PLG: variants seen among roughly 807,000 people sequenced by gnomAD.
PLG encodes the protein plasminogen.
PLG carries 41 observed loss-of-function variants against 104.4 expected under a neutral mutation model. That is an observed-to-expected ratio of 0.39 (90% CI 0.31 to 0.51). The LOEUF (loss-of-function observed/expected upper bound fraction) is 0.51. Among genes scored for constraint, PLG ranks in the 20% least tolerant of loss-of-function variants. The pLI is 0.76. For synonymous variants in PLG, 337 were observed against 357.1 expected (o/e 0.94, Z 0.63); for missense variants, 891 against 1,003.6 (o/e 0.89, Z 1.52).
At chr6:160,730,929 C>T (rs185351722) in intron 10 of PLG, 122 bp from the exon 11 acceptor site, 2 of 899,196 alleles carry the variant, frequency 2.2e-6, no homozygotes, top group Non-Finnish European at 3.6e-6. Context: ...CATTATTGTA[C>T]CTATAATGGG....
rs201754541 is a variant in PLG, at chr6:160,734,745, GAAA to G, written c.1681+674_1681+676del. Among the ~76,000 whole-genome samples the G allele has an allele frequency of 2.5e-4, 28 of 113,920 alleles. No homozygotes were observed. Among genetic ancestry groups the G allele is most frequent in the African/African-American group, 6.5e-4 (21 of 32,220 alleles). 74.7% of individuals were successfully genotyped at this position (113,920 alleles called of 152,430 possible). ...GAATAACAAATCCATGGGTATTTCT[GAAA>G]AAAAAAAAAAAAAAAAGAAAGGAAG... is the stretch of plus-strand genomic sequence containing the variant. On this transcript the variant is annotated intron_variant, in intron 13 of 18. Coordinates refer to ENST00000308192, the MANE Select transcript of PLG (RefSeq NM_000301.5). The surrounding 1 kb of genome is among the most constrained non-coding windows in gnomAD (Gnocchi z 4.4).
At chr6:160,727,486 C>A (rs1777938066) in intron 10 of PLG, among the ~76,000 whole-genome samples, 1 of 147,778 alleles carries the variant, frequency 6.8e-6, no homozygotes, top group African/African-American at 2.5e-5. Flanking sequence ...AAAAAGTAGA[C>A]AAGGATATTG....
chr6:160,709,230 G>A (rs1489661243), intron 3 of PLG, among the ~76,000 whole-genome samples: 1 of 152,048 alleles, frequency 6.6e-6, no homozygotes, highest in African/African-American at 2.4e-5. Context: ...TTTCTTTGCT[G>A]TGGGATATTG....
rs1444590132 is a variant in PLG at position 160,736,403 on chromosome 6, G to C, written c.1682-484G>C. On this transcript the variant is annotated intron_variant, in intron 13 of 18. Coordinates refer to ENST00000308192, the MANE Select transcript of PLG (RefSeq NM_000301.5). This position sits in a 1 kb window ranked among gnomAD's most constrained non-coding sequence, Gnocchi z 5.2. ...CAATCACATACACACACACACACAC[G>C]TGCACACACAGAGACTCACATGGAA... 6.6e-6 allele frequency among the ~76,000 whole-genome samples: 1 copy of C among 151,958 alleles called. No individual in the cohort carries two copies. The highest frequency in any genetic ancestry group is 1.5e-5 in the Non-Finnish European group (1 of 67,996).
In PLG at chr6:160,724,309, A is replaced by C. The variant is rs1777890600; in HGVS notation, c.1256+1742A>C. 6.6e-6 allele frequency among the ~76,000 whole-genome samples: 1 copy of C among 152,158 alleles called. No individual in the cohort carries two copies. Among genetic ancestry groups the C allele is most frequent in the African/African-American group, 2.4e-5 (1 of 41,456 alleles). On this transcript the variant is annotated intron_variant, in intron 10 of 18. Transcript: ENST00000308192. This position sits in a 1 kb window ranked among gnomAD's most constrained non-coding sequence, Gnocchi z 5.0. ...CCAAATAGAAATTAAATAACTAAAA[A>C]AGTGCATGTTTAATGAAAAATGTAC...
chr6:160,742,660 C>T (rs2115182682), intron 17 of PLG, among the ~76,000 whole-genome samples: 1 of 152,224 alleles, frequency 6.6e-6, no homozygotes, highest in African/African-American at 2.4e-5. Flanking sequence ...TTAATTAGAT[C>T]CCATTTGTCA....
chr6:160,748,382 A>AGAGAG (rs1562383390), intron 17 of PLG, among the ~76,000 whole-genome samples: 3 of 42,518 alleles, frequency 7.1e-5, no homozygotes, highest in South Asian at 2.5e-3. Flanking sequence ...GAAAGAAAGA[A>AGAGAG]AGAAAGAAAG....
chr6:160,703,316 C>A (rs1777456043), intron 1 of PLG, among the ~76,000 whole-genome samples: 1 of 151,414 alleles, frequency 6.6e-6, no homozygotes. Flanking sequence ...TAGAATTCAC[C>A]CATTTAGGCA....
rs9458019 is a variant in PLG, at chr6:160,732,529, T to C, written c.1587+636T>C. On this transcript the variant is annotated intron_variant, in intron 12 of 18. Transcript: ENST00000308192. The surrounding 1 kb of genome is among the most constrained non-coding windows in gnomAD (Gnocchi z 4.5). Reference sequence around the variant, plus strand: ...GTGCTGACACTCTATCTGGAGACAGTGTCAGATCCCATAAGTTAAGGCTCA... The same window carrying C: ...GTGCTGACACTCTATCTGGAGACAGCGTCAGATCCCATAAGTTAAGGCTCA... 0.21 allele frequency among the ~76,000 whole-genome samples: 32,106 copies of C among 152,068 alleles called. 3,987 individuals are homozygous for C. The highest frequency in any genetic ancestry group is 0.29 in the Non-Finnish European group (19,717 of 67,962).
Position 160,735,110 on chromosome 6 carries a change from C to T in PLG, c.1681+1022C>T, listed in dbSNP as rs1023552013. ...CTACTTGGCCAATATTATTGTAATGCGGCATTGTGATCTCTGGATTTAGCA... is the reference window on the plus strand; with the variant it reads ...CTACTTGGCCAATATTATTGTAATGTGGCATTGTGATCTCTGGATTTAGCA... On this transcript the variant is annotated intron_variant, in intron 13 of 18. Transcript: ENST00000308192. This position sits in a 1 kb window ranked among gnomAD's most constrained non-coding sequence, Gnocchi z 5.4. Among the ~76,000 whole-genome samples, 10 of 152,088 alleles carry T rather than the reference C, an allele frequency of 6.6e-5. No homozygotes were observed. Among genetic ancestry groups the T allele is most frequent in the Admixed American group, 2.0e-4 (3 of 15,270 alleles).
At chr6:160,714,680 G>C (rs1777701126) in intron 5 of PLG, 114 bp from the exon 6 acceptor site, 1 of 967,858 alleles carries the variant, frequency 1.0e-6, no homozygotes, top group Admixed American at 1.9e-5. Context: ...AATTACATCG[G>C]AATGAGAGGC....
At position 160,738,920 on chromosome 6, in the gene PLG, G is replaced by A; in HGVS notation, c.1878-148G>A. The A allele has an allele frequency of 1.1e-6, 1 of 916,162 alleles. No homozygotes were observed. Among genetic ancestry groups the A allele is most frequent in the Non-Finnish European group, 1.8e-6 (1 of 559,482 alleles). 56.8% of individuals were successfully genotyped at this position (916,162 alleles called of 1,614,324 possible). On this transcript the variant is annotated intron_variant, in intron 15 of 18. Transcript: ENST00000308192. This position sits in a 1 kb window ranked among gnomAD's most constrained non-coding sequence, Gnocchi z 6.8. ...AACATTCCTTAACTGCCTGTTTCAA[G>A]CAAATCATGAATTTTGCTTCTTGCC...
chr6:160,718,176 C>G (rs1205748246), intron 7 of PLG, 118 bp from the exon 8 acceptor site: 1 of 842,874 alleles, frequency 1.2e-6, no homozygotes. Context: ...GACTTGAACC[C>G]AGGAGGCAGA....
chr6:160,737,018 G>A lies in PLG; in HGVS notation c.1802+11G>A, dbSNP rs758685731. On this transcript the variant is annotated intron_variant, in intron 14 of 18. Coordinates refer to ENST00000308192, the MANE Select transcript of PLG (RefSeq NM_000301.5). This position sits in a 1 kb window ranked among gnomAD's most constrained non-coding sequence, Gnocchi z 4.7. ...CAGTCTTAGAACAAGGTAAGAACAG[G>A]CCCAGAAACGATTTATACTGTCCCT... The A allele has an allele frequency of 1.2e-6, 2 of 1,612,158 alleles. No homozygotes were observed. Among genetic ancestry groups the A allele is most frequent in the South Asian group, 1.1e-5 (1 of 91,008 alleles).
rs1174464150 is a variant in PLG at position 160,753,355 on chromosome 6, G to T, written c.*294G>T. ...TTGTTCACCCCACCAATTTTTAAAT[G>T]GGCAGATGGGGGGATTTAGCTGCTT... is the stretch of plus-strand genomic sequence containing the variant. On this transcript the variant is annotated 3_prime_UTR_variant, in exon 19 of 19. Transcript: ENST00000308192. The surrounding 1 kb of genome is among the most constrained non-coding windows in gnomAD (Gnocchi z 5.4). The T allele has an allele frequency of 4.6e-6, 2 of 432,678 alleles. No individual in the cohort carries two copies. Among genetic ancestry groups the T allele is most frequent in the African/African-American group, 2.0e-5 (1 of 49,506 alleles). 26.8% of individuals were successfully genotyped at this position (432,678 alleles called of 1,614,324 possible).
Position 160,736,727 on chromosome 6 carries a change from A to G in PLG, c.1682-160A>G, listed in dbSNP as rs1778087466. On this transcript the variant is annotated intron_variant, in intron 13 of 18. Coordinates refer to ENST00000308192, the MANE Select transcript of PLG (RefSeq NM_000301.5). This position sits in a 1 kb window ranked among gnomAD's most constrained non-coding sequence, Gnocchi z 5.2. ...AGAGGGTCCTGTGTTGTCTACTACCACTTTTGAAACTTAGAGAAAATGTTC... is the reference window on the plus strand; with the variant it reads ...AGAGGGTCCTGTGTTGTCTACTACCGCTTTTGAAACTTAGAGAAAATGTTC... Among the ~76,000 whole-genome samples, 1 of 152,176 alleles carries G rather than the reference A, an allele frequency of 6.6e-6. No homozygotes were observed. Among genetic ancestry groups the G allele is most frequent in the Non-Finnish European group, 1.5e-5 (1 of 68,032 alleles).
Position 160,718,833 on chromosome 6 carries a change from C to T in PLG, c.1091C>T (p.Pro364Leu), listed in dbSNP as rs1481481942. 1 of 1,613,792 alleles carries T rather than the reference C, an allele frequency of 6.2e-7. No individual in the cohort carries two copies. Among genetic ancestry groups the T allele is most frequent in the Admixed American group, 1.7e-5 (1 of 60,012 alleles). ...CCAGTATCCACGGAACAATTGGCTC[C>T]CACAGGTAAGCAAGGGTATGGGAGC... is the stretch of plus-strand genomic sequence containing the variant. ...SSPVSTEQLA[P>L]TAPPELTPVV... Residue 364 changes from proline (P) to leucine (L), a missense_variant, in exon 9 of 19, where the codon CCC becomes CTC. Pro to Leu is a moderately conservative substitution (Grantham distance 98, BLOSUM62 -3). This residue lies in a region of PLG where 854 missense variants were observed against 932.1 expected (regional missense o/e 0.92). Transcript: ENST00000308192.
In PLG at chr6:160,741,319, T is replaced by C; in HGVS notation, c.2027T>C (p.Val676Ala). ...IALLKLSSPA[V>A]ITDKVIPACL... ...TGATGCTTTTCTTTCAGTCCTGCCG[T>C]CATCACTGACAAAGTAATCCCAGCT... is the stretch of plus-strand genomic sequence containing the variant. The change falls in exon 17 of 19, where the codon GTC becomes GCC. Residue 676 changes from valine (V) to alanine (A), a missense_variant. Transcript: ENST00000308192. This position sits in a 1 kb window ranked among gnomAD's most constrained non-coding sequence, Gnocchi z 4.7. The C allele has an allele frequency of 6.3e-7, 1 of 1,599,218 alleles. No homozygotes were observed. The highest frequency in any genetic ancestry group is 2.2e-5 in the East Asian group (1 of 44,806).
rs1406627454 is a variant in PLG at position 160,734,138 on chromosome 6, G to C, written c.1681+50G>C. On this transcript the variant is annotated intron_variant, in intron 13 of 18. Transcript: ENST00000308192. This position sits in a 1 kb window ranked among gnomAD's most constrained non-coding sequence, Gnocchi z 4.4. ...GAAACTGCTTACTTAATATGGATTT[G>C]CAACAAAAAAGGAAAAGGGCTTCTG... 1 of 1,111,468 alleles carries C rather than the reference G, an allele frequency of 9.0e-7. No individual in the cohort carries two copies. Among genetic ancestry groups the C allele is most frequent in the Non-Finnish European group, 1.4e-6 (1 of 724,956 alleles). 68.9% of individuals were successfully genotyped at this position (1,111,468 alleles called of 1,614,324 possible). A position where few individuals can be genotyped will look rare whatever the true frequency, so the allele number is the denominator to read the frequency against.
Sources: allele counts gnomAD v4.1 joint callset (sites outside exome capture counted in the v4.1 genomes callset), GRCh38; gene constraint gnomAD v4.1.1; regional missense constraint gnomAD v4.1.1; non-coding constraint Gnocchi (gnomAD v3.1); transcripts MANE v1.5; gene names NCBI Gene and HGNC (gene_info 2026-07-23, HGNC 2026-07-21).